TMEM62: variants seen among roughly 807,000 people sequenced by gnomAD.
The protein encoded by TMEM62 is transmembrane protein 62.
TMEM62 carries 41 observed loss-of-function variants against 70.4 expected under a neutral mutation model. The ratio of observed to expected loss-of-function variants is 0.58; its 90% CI spans 0.45 to 0.76. The LOEUF (loss-of-function observed/expected upper bound fraction) is 0.76, where lower values mean the gene tolerates loss of function less well. TMEM62 is among the 30% of genes least tolerant of loss of function. The pLI, the probability that TMEM62 is intolerant of heterozygous loss-of-function variation, is 0.00. For missense variants in TMEM62, 688 were observed against 788.5 expected, an observed-to-expected ratio of 0.87 and a Z score of 1.53; for synonymous variants, 268 against 291.0, an observed-to-expected ratio of 0.92 and a Z score of 0.80.
At chr15:43,155,435 A>G (rs993275835) in intron 9 of TMEM62, among the ~76,000 whole-genome samples, 9 of 152,202 alleles carry the variant, frequency 5.9e-5, no homozygotes, top group Non-Finnish European at 1.0e-4. Context: ...GTTCAAGGTT[A>G]TAGTGAGCTC....
Position 43,181,430 on chromosome 15 carries a change from T to A in TMEM62, c.1605+131T>A, listed in dbSNP as rs181758509. The A allele has an allele frequency of 9.8e-4, 654 of 668,558 alleles. 1 individual carries two copies. The highest frequency in any genetic ancestry group is 2.3e-3 in the Admixed American group (95 of 42,000). 41.4% of individuals were successfully genotyped at this position (668,558 alleles called of 1,614,324 possible). On this transcript the variant is annotated intron_variant, in intron 13 of 13. Transcript: ENST00000260403. Reference sequence around the variant, plus strand: ...CTTTCCTACTTTACTTGCAGGGCAGTCTTTAATAAAAGCTTCATTTGCTTT... The same window carrying A: ...CTTTCCTACTTTACTTGCAGGGCAGACTTTAATAAAAGCTTCATTTGCTTT...
chr15:43,179,985 C>A (rs2041172495), intron 12 of TMEM62: 1 of 152,200 alleles, frequency 6.6e-6, no homozygotes, highest in Non-Finnish European at 1.5e-5. Flanking sequence ...AAGAATTGTT[C>A]CATTCAGAAA....
At position 43,162,433 on chromosome 15, in the gene TMEM62, C is replaced by CTTTTTTTTTTTTTTTTTT. The variant is rs1169921008; in HGVS notation, c.1296+1652_1296+1653insTTTTTTTTTTTTTTTTTT. On this transcript the variant is annotated intron_variant, in intron 10 of 13. Coordinates refer to ENST00000260403, the MANE Select transcript of TMEM62 (RefSeq NM_024956.4). Reference sequence around the variant, plus strand: ...CAGGCGTGAGCCACTGCCCCTGGCCCTTTTTTTTTTTTTGTTGAGCTGGAG... The same window carrying CTTTTTTTTTTTTTTTTTT: ...CAGGCGTGAGCCACTGCCCCTGGCCCTTTTTTTTTTTTTTTTTTTTTTTTTTTTTTTGTTGAGCTGGAG... Among the ~76,000 whole-genome samples the CTTTTTTTTTTTTTTTTTT allele has an allele frequency of 4.4e-3, 605 of 136,842 alleles. 24 individuals are homozygous for CTTTTTTTTTTTTTTTTTT. Among genetic ancestry groups the CTTTTTTTTTTTTTTTTTT allele is most frequent in the African/African-American group, 0.017 (557 of 32,420 alleles). The allele number at this position is 136,842 out of a possible 152,430, so 89.8% of individuals were successfully genotyped here. A position where few individuals can be genotyped will look rare whatever the true frequency, so the allele number is the denominator to read the frequency against.
chr15:43,174,274 CCTT>C (rs1168867685), intron 11 of TMEM62, among the ~76,000 whole-genome samples: 1 of 152,116 alleles, frequency 6.6e-6, no homozygotes, highest in African/African-American at 2.4e-5. Flanking sequence ...TTTCCTGATC[CCTT>C]CTTAATTTGG....
rs763990044 is a variant in TMEM62 at position 43,163,673 on chromosome 15, T to C, written c.1296+2879T>C. Among the ~76,000 whole-genome samples the C allele has an allele frequency of 5.3e-5, 8 of 151,996 alleles. 1 individual carries two copies. Among genetic ancestry groups the C allele is most frequent in the Admixed American group, 1.3e-4 (2 of 15,278 alleles). The stretch of plus-strand genomic sequence containing the variant: ...GGTGGGCACCTGTAGTCCCAGCTAC[T>C]TGGGAGGCTGAGGCAGGAGAATGGC... On this transcript the variant is annotated intron_variant, in intron 10 of 13. Transcript: ENST00000260403.
At chr15:43,176,901 G>C (rs561226695) in intron 11 of TMEM62, among the ~76,000 whole-genome samples, 2 of 152,186 alleles carry the variant, frequency 1.3e-5, no homozygotes, top group Admixed American at 6.5e-5. Flanking sequence ...GCTACAGGAG[G>C]AAATTCAAAC....
rs1057409046 is a variant in TMEM62, at chr15:43,167,174, C to A, written c.1297-2419C>A. ...CTGGCCAGGCGGGGGGCTGACCCCC[C>A]CACCTCCCTCCCGGACGGGTCGGCT... is the stretch of plus-strand genomic sequence containing the variant. On this transcript the variant is annotated intron_variant, in intron 10 of 13. Coordinates refer to ENST00000260403, the MANE Select transcript of TMEM62 (RefSeq NM_024956.4). Among the ~76,000 whole-genome samples, 24 of 151,364 alleles carry A rather than the reference C, an allele frequency of 1.6e-4. No homozygotes were observed. The East Asian group carries it at 1.6e-3, about 10-fold the overall frequency.
intron 10 of TMEM62, among the ~76,000 whole-genome samples, chr15:43,168,173 CGGAGACGGAGAGGGAGAGGGAGAG>C (rs1567225651): frequency 3.2e-5 from 2 of 62,182 alleles, no homozygotes; most frequent in Non-Finnish European, 6.2e-5. Flanking sequence ...GAGAGGGAGA[CGGAGACGGAGAGGGAGAGGGAGAG>C]GGAGAGGGAG....
intron 9 of TMEM62, among the ~76,000 whole-genome samples, chr15:43,159,389 C>G (rs1277601646): frequency 6.6e-6 from 1 of 152,124 alleles, no homozygotes; most frequent in Non-Finnish European, 1.5e-5. Context: ...CCCAATGCCC[C>G]CTTACTACCC....
At chr15:43,163,698 C>T (rs993394030) in intron 10 of TMEM62, among the ~76,000 whole-genome samples, 3 of 151,966 alleles carry the variant, frequency 2.0e-5, no homozygotes, top group South Asian at 2.1e-4. Context: ...AGGAGAATGG[C>T]GTGAACCCGG....
At chr15:43,133,558 G>T, upstream of TMEM62, 2 of 359,014 alleles carry the variant, frequency 5.6e-6, no homozygotes, top group Non-Finnish European at 1.0e-5. Flanking sequence ...TTCTGTGATC[G>T]TATTACTTAT....
At chr15:43,155,102 G>T (rs1015974921) in intron 9 of TMEM62, among the ~76,000 whole-genome samples, 1 of 152,126 alleles carries the variant, frequency 6.6e-6, no homozygotes, top group Non-Finnish European at 1.5e-5. Context: ...AGTGGCATGT[G>T]CCTGTAGTCC....
At chr15:43,161,347 G>C (rs2141844379) in intron 10 of TMEM62, among the ~76,000 whole-genome samples, 1 of 152,252 alleles carries the variant, frequency 6.6e-6, no homozygotes, top group East Asian at 1.9e-4. Flanking sequence ...AAGGATATTA[G>C]TTATCATATC....
At chr15:43,164,033 C>A (rs1271425191) in intron 10 of TMEM62, among the ~76,000 whole-genome samples, 1 of 152,006 alleles carries the variant, frequency 6.6e-6, no homozygotes, top group Non-Finnish European at 1.5e-5. Context: ...TTTTTTTATT[C>A]TTATAGAACT....
In TMEM62 at chr15:43,184,720, C is replaced by A; in HGVS notation, c.*134C>A. The A allele has an allele frequency of 1.3e-6, 1 of 748,618 alleles. No individual in the cohort carries two copies. The highest frequency in any genetic ancestry group is 2.1e-6 in the Non-Finnish European group (1 of 466,010). 46.4% of individuals were successfully genotyped at this position (748,618 alleles called of 1,614,324 possible). A position where few individuals can be genotyped will look rare whatever the true frequency, so the allele number is the denominator to read the frequency against. On this transcript the variant is annotated 3_prime_UTR_variant, in exon 14 of 14. Transcript: ENST00000260403. The stretch of plus-strand genomic sequence containing the variant: ...AGGGAGCAGCTGCTCGTTTGGAGTC[C>A]TGGACGTTGGAGGGATTACCCACTA...
At chr15:43,146,776 A>C (rs2036725233) in intron 5 of TMEM62, 142 bp downstream of exon 5, 4 of 760,304 alleles carry the variant, frequency 5.3e-6, no homozygotes. Context: ...GTATGGCTAG[A>C]AGTTACTGGC....
intron 4 of TMEM62, among the ~76,000 whole-genome samples, chr15:43,139,781 T>G (rs1375825318): frequency 6.6e-6 from 1 of 152,216 alleles, no homozygotes. Flanking sequence ...GAAGAAAAGT[T>G]GGAAGCTGGC....
intron 4 of TMEM62, among the ~76,000 whole-genome samples, chr15:43,139,354 C>T (rs961294185): frequency 1.3e-5 from 2 of 152,130 alleles, no homozygotes; most frequent in African/African-American, 4.8e-5. Context: ...TTCCCTGAGA[C>T]ACAACAATAT....
chr15:43,136,162 A>G (rs543108393), intron 3 of TMEM62, among the ~76,000 whole-genome samples: 4 of 152,298 alleles, frequency 2.6e-5, no homozygotes, highest in South Asian at 2.1e-4. Context: ...TGCATACTGT[A>G]TGATTTCATT....
Sources: gnomAD v4.1 joint callset for allele counts (sites outside exome capture counted in the v4.1 genomes callset) on GRCh38, gnomAD v4.1.1 for gene constraint, MANE v1.5 for transcripts, NCBI Gene and HGNC (gene_info 2026-07-23, HGNC 2026-07-21) for gene names.